SPATA17: variants seen among roughly 807,000 people sequenced by gnomAD.
The protein encoded by SPATA17 is spermatogenesis-associated protein 17.
SPATA17 carries 53 observed loss-of-function variants against 62.2 expected under a neutral mutation model. The observed-to-expected ratio is 0.85, with a 90% CI of 0.68 to 1.07. The LOEUF (loss-of-function observed/expected upper bound fraction) is 1.07. Among genes scored for constraint, SPATA17 ranks in the 50% least tolerant of loss-of-function variants. The pLI is 0.00. For synonymous variants in SPATA17, 146 were observed against 146.8 expected (o/e 0.99, Z 0.04); for missense variants, 466 against 425.5 (o/e 1.10, Z -0.84).
intron 7 of SPATA17, among the ~76,000 whole-genome samples, chr1:217,777,707 A>G (rs559861399): frequency 6.6e-6 from 1 of 152,266 alleles, no homozygotes; most frequent in Admixed American, 6.5e-5. Flanking sequence ...AGGCCCATGT[A>G]TCAGCATTCT....
chr1:217,710,009 G>A (rs928308971), intron 5 of SPATA17, among the ~76,000 whole-genome samples: 1 of 152,084 alleles, frequency 6.6e-6, no homozygotes, highest in Non-Finnish European at 1.5e-5. Context: ...AAAAGTAGCA[G>A]AATATTTTAC....
chr1:217,690,856 A>G (rs1219619357), intron 5 of SPATA17, among the ~76,000 whole-genome samples: 1 of 143,974 alleles, frequency 6.9e-6, no homozygotes, highest in Non-Finnish European at 1.5e-5. Flanking sequence ...TCCATGGTGT[A>G]TATGTGCCAC....
intron 4 of SPATA17, among the ~76,000 whole-genome samples, chr1:217,678,908 A>T (rs1671014102): frequency 6.8e-6 from 1 of 147,366 alleles, no homozygotes; most frequent in Admixed American, 6.7e-5. Context: ...CATGAATACA[A>T]ATCATTTTTC....
chr1:217,734,272 T>C (rs768020851), intron 5 of SPATA17, among the ~76,000 whole-genome samples: 21 of 152,232 alleles, frequency 1.4e-4, no homozygotes, highest in Admixed American at 3.3e-4. Flanking sequence ...GAGCAGACAA[T>C]TGTTAGAGAT....
At position 217,871,127 on chromosome 1, in the gene SPATA17, T is replaced by C. The variant is rs1445972933; in HGVS notation, c.*4108T>C. On this transcript the variant is annotated 3_prime_UTR_variant, in exon 11 of 11. Transcript: ENST00000366933. ...GTGGGTTGATCCTGAGATCAAGCTATGATTGCTGCTTGCGTAAAGTGTTCC... is the reference window on the plus strand; with the variant it reads ...GTGGGTTGATCCTGAGATCAAGCTACGATTGCTGCTTGCGTAAAGTGTTCC... The C allele has an allele frequency of 1.3e-5, 2 of 152,176 alleles. No homozygotes were observed. The highest frequency in any genetic ancestry group is 4.8e-5 in the African/African-American group (2 of 41,446). 9.4% of individuals were successfully genotyped at this position (152,176 alleles called of 1,614,324 possible).
At chr1:217,738,463 A>G (rs1206175739) in intron 5 of SPATA17, among the ~76,000 whole-genome samples, 2 of 152,250 alleles carry the variant, frequency 1.3e-5, no homozygotes, top group African/African-American at 4.8e-5. Flanking sequence ...TAACACTTAC[A>G]TAGCGCCTTA....
chr1:217,665,283 C>G (rs1670670874), intron 3 of SPATA17: 1 of 152,184 alleles, frequency 6.6e-6, no homozygotes, highest in African/African-American at 2.4e-5. Flanking sequence ...TCCTAGTGAT[C>G]TGAAATACTC....
At chr1:217,679,031 C>T (rs138052516) in intron 4 of SPATA17, among the ~76,000 whole-genome samples, 224 of 151,942 alleles carry the variant, frequency 1.5e-3, no homozygotes, top group African/African-American at 4.9e-3. Flanking sequence ...TTTACTAGTA[C>T]TGGAATATCA....
At chr1:217,667,317 G>A (rs1217524820) in intron 3 of SPATA17, among the ~76,000 whole-genome samples, 1 of 151,908 alleles carries the variant, frequency 6.6e-6, no homozygotes, top group Non-Finnish European at 1.5e-5. Flanking sequence ...AAAGTGCTGG[G>A]ATTACAGGCA....
chr1:217,682,084 C>G (rs1671098254), intron 4 of SPATA17, among the ~76,000 whole-genome samples: 1 of 152,094 alleles, frequency 6.6e-6, no homozygotes, highest in Non-Finnish European at 1.5e-5. Flanking sequence ...AGGAATGATG[C>G]TAAATCTTTA....
At chr1:217,660,909 T>C (rs1670551912) in intron 3 of SPATA17, among the ~76,000 whole-genome samples, 1 of 152,242 alleles carries the variant, frequency 6.6e-6, no homozygotes, top group Non-Finnish European at 1.5e-5. Context: ...AATGGGTTAC[T>C]CGGTTATGCT....
Position 217,862,847 on chromosome 1 carries a change from T to A in SPATA17, c.1079T>A (p.Ile360Asn). The A allele has an allele frequency of 6.2e-7, 1 of 1,605,784 alleles. No individual in the cohort carries two copies. Among genetic ancestry groups the A allele is most frequent in the Middle Eastern group, 1.7e-4 (1 of 5,968 alleles). The change falls in exon 10 of 11, where the codon ATT (isoleucine) becomes AAT (asparagine). Residue 360 changes from isoleucine to asparagine, a missense_variant. Transcript: ENST00000366933. ...AAATTATATTCAAAAGCTGGACAGA[T>A]TGTATAAAGGTATGACTTTTTGCTA... ...YGKLYSKAGQ[I>N]V
At chr1:217,664,289 CTTTTTT>C (rs34166363) in intron 3 of SPATA17, among the ~76,000 whole-genome samples, 8 of 75,796 alleles carry the variant, frequency 1.1e-4, no homozygotes, top group Non-Finnish European at 5.0e-5. Context: ...TGTTAAAAAT[CTTTTTT>C]TTTTTTTTTT....
chr1:217,646,702 C>G (rs1367187024), intron 1 of SPATA17, among the ~76,000 whole-genome samples: 1 of 151,998 alleles, frequency 6.6e-6, no homozygotes, highest in Non-Finnish European at 1.5e-5. Context: ...CAAGACCAGC[C>G]TGGCCAATAT....
At chr1:217,803,058 G>A (rs994286496) in intron 9 of SPATA17, among the ~76,000 whole-genome samples, 1 of 152,078 alleles carries the variant, frequency 6.6e-6, no homozygotes, top group East Asian at 1.9e-4. Flanking sequence ...GACTACAGGC[G>A]CATGCCACCA....
intron 1 of SPATA17, among the ~76,000 whole-genome samples, chr1:217,640,893 G>A (rs2102876905): frequency 6.6e-6 from 1 of 152,114 alleles, no homozygotes; most frequent in East Asian, 1.9e-4. Flanking sequence ...GATAGATCTG[G>A]AATTACACAT....
At chr1:217,696,533 AT>A (rs1671466042) in intron 5 of SPATA17, among the ~76,000 whole-genome samples, 1 of 152,014 alleles carries the variant, frequency 6.6e-6, no homozygotes, top group African/African-American at 2.4e-5. Flanking sequence ...CAAAAGTACT[AT>A]TTGGTCCTTT....
At chr1:217,754,410 G>A (rs1672992534) in intron 6 of SPATA17, among the ~76,000 whole-genome samples, 1 of 152,118 alleles carries the variant, frequency 6.6e-6, no homozygotes, top group South Asian at 2.1e-4. Flanking sequence ...CAAGCAGTTA[G>A]GTCATTTCTT....
intron 4 of SPATA17, among the ~76,000 whole-genome samples, chr1:217,678,479 A>C (rs1671005026): frequency 6.6e-6 from 1 of 151,810 alleles, no homozygotes; most frequent in South Asian, 2.1e-4. Flanking sequence ...AAGCACAGGG[A>C]TTACAGGCAT....
Sources: gnomAD v4.1 joint callset for allele counts (sites outside exome capture counted in the v4.1 genomes callset) on GRCh38, gnomAD v4.1.1 for gene constraint, MANE v1.5 for transcripts, NCBI Gene and HGNC (gene_info 2026-07-23, HGNC 2026-07-21) for gene names.